MS4A4E: variants seen among roughly 807,000 people sequenced by gnomAD.
The protein encoded by MS4A4E is putative membrane-spanning 4-domains subfamily A member 4E.
In MS4A4E, 23 loss-of-function variants were observed where a neutral mutation model predicts 13.3. The ratio of observed to expected loss-of-function variants is 1.73; its 90% confidence interval spans 1.25 to 2.45. MS4A4E has a LOEUF of 2.45. MS4A4E is among the 30% of genes most tolerant of loss of function. MS4A4E has a pLI of 0.00. For synonymous variants in MS4A4E, 36 were observed against 45.6 expected (o/e 0.79, Z 0.85); for missense variants, 144 against 131.2 (o/e 1.10, Z -0.48).
At chr11:60,242,615 A>C (rs1232380909) in intron 1 of MS4A4E, among the ~76,000 whole-genome samples, 2 of 152,220 alleles carry the variant, frequency 1.3e-5, no homozygotes, top group Non-Finnish European at 2.9e-5. Flanking sequence ...ACAGTAGATG[A>C]GGTAATTAAT....
At chr11:60,218,021 C>T (rs974795063) in intron 3 of MS4A4E, among the ~76,000 whole-genome samples, 1 of 152,174 alleles carries the variant, frequency 6.6e-6, no homozygotes, top group African/African-American at 2.4e-5. Flanking sequence ...AGAAAGATTG[C>T]TGAATTCTTT....
At chr11:60,220,162 T>G (rs673573) in intron 3 of MS4A4E, among the ~76,000 whole-genome samples, 139,048 of 152,272 alleles carry the variant, frequency 0.91, 63,627 homozygotes, top group Non-Finnish European at 0.94. Context: ...GGACTTAAAA[T>G]ATGCAAGGGT....
intron 3 of MS4A4E, among the ~76,000 whole-genome samples, chr11:60,215,489 G>A (rs2084181738): frequency 6.6e-6 from 1 of 151,546 alleles, no homozygotes; most frequent in South Asian, 2.1e-4. Flanking sequence ...AGTGTTGATA[G>A]GATAGGACAT....
intron 6 of MS4A4E, among the ~76,000 whole-genome samples, chr11:60,206,512 T>TATATATAC (rs141037502): frequency 2.0e-5 from 2 of 98,340 alleles, no homozygotes; most frequent in African/African-American, 4.8e-5. Flanking sequence ...TATATATATA[T>TATATATAC]ACACACACAC....
chr11:60,238,187 T>G (rs2084507726), intron 1 of MS4A4E, among the ~76,000 whole-genome samples: 1 of 151,948 alleles, frequency 6.6e-6, no homozygotes, highest in Non-Finnish European at 1.5e-5. Flanking sequence ...AATACTAGCC[T>G]TATGTAATAA....
chr11:60,242,906 A>G (rs2084568362), intron 1 of MS4A4E, 52 bp downstream of exon 1: 3 of 1,370,154 alleles, frequency 2.2e-6, no homozygotes, highest in Non-Finnish European at 2.0e-6. Flanking sequence ...AACCCAGGAA[A>G]TGAAACAAAC....
intron 1 of MS4A4E, among the ~76,000 whole-genome samples, chr11:60,241,091 T>C (rs1214684164): frequency 2.0e-5 from 3 of 152,228 alleles, no homozygotes; most frequent in Admixed American, 6.5e-5. Context: ...TGGTGCAATC[T>C]CGGCTCACTG....
intron 4 of MS4A4E, 95 bp downstream of exon 4, chr11:60,214,476 T>G (rs969658418): frequency 1.1e-6 from 1 of 906,914 alleles, no homozygotes; most frequent in African/African-American, 1.7e-5. Flanking sequence ...CCTGACTTTT[T>G]TAAAAACAAA....
chr11:60,238,239 G>C (rs887192975), intron 1 of MS4A4E, among the ~76,000 whole-genome samples: 6 of 151,814 alleles, frequency 4.0e-5, no homozygotes, highest in African/African-American at 1.2e-4. Context: ...TGATGGAAGG[G>C]TATTAATTCT....
intron 1 of MS4A4E, among the ~76,000 whole-genome samples, chr11:60,232,387 AG>A (rs1358932797): frequency 6.6e-6 from 1 of 152,136 alleles, no homozygotes; most frequent in Admixed American, 6.5e-5. Context: ...AAAACAGCAA[AG>A]GAGTAGCAGA....
intron 1 of MS4A4E, 34 bp downstream of exon 1, chr11:60,242,924 C>A: frequency 4.0e-6 from 6 of 1,501,292 alleles, no homozygotes; most frequent in African/African-American, 1.4e-5. Context: ...AACTATCAGT[C>A]CGAGAGCCTA....
intron 3 of MS4A4E, 32 bp downstream of exon 3, chr11:60,228,562 C>T: frequency 1.5e-6 from 1 of 653,918 alleles, no homozygotes; most frequent in Non-Finnish European, 2.8e-6. Context: ...ACTAAACATA[C>T]TCTTACAATA....
rs192526044 is a variant in MS4A4E at position 60,200,785 on chromosome 11, C to A, written c.*758G>T. 0.011 allele frequency among the ~76,000 whole-genome samples: 1,716 copies of A among 152,332 alleles called. 28 individuals are homozygous for A. Among genetic ancestry groups the A allele is most frequent in the African/African-American group, 0.038 (1,597 of 41,570 alleles). On this transcript the variant is annotated 3_prime_UTR_variant, in exon 9 of 9. Transcript: ENST00000651255. ...CAAAACCGCCATTGTCCTCATGGCCCGTTCTCAATGAGCTATTGGGTACAC... is the reference window on the plus strand; with the variant it reads ...CAAAACCGCCATTGTCCTCATGGCCAGTTCTCAATGAGCTATTGGGTACAC...
intron 3 of MS4A4E, among the ~76,000 whole-genome samples, chr11:60,226,242 A>G (rs767709129): frequency 1.2e-4 from 18 of 151,986 alleles, no homozygotes; most frequent in Non-Finnish European, 2.6e-4. Flanking sequence ...CCAATTCTTT[A>G]CAGAAAACAG....
intron 1 of MS4A4E, among the ~76,000 whole-genome samples, chr11:60,239,244 C>T (rs188737484): frequency 9.2e-5 from 14 of 152,294 alleles, no homozygotes; most frequent in African/African-American, 3.1e-4. Context: ...AATAATACAG[C>T]ATATCTCGTA....
chr11:60,228,767 G>T (rs2084373571), intron 2 of MS4A4E, 140 bp from the exon 3 acceptor site: 1 of 449,152 alleles, frequency 2.2e-6, no homozygotes, highest in Non-Finnish European at 3.9e-6. Context: ...AAAAATAAAT[G>T]AGCTATTAAG....
chr11:60,219,645 A>G (rs1007461493), intron 3 of MS4A4E, among the ~76,000 whole-genome samples: 1 of 152,212 alleles, frequency 6.6e-6, no homozygotes, highest in African/African-American at 2.4e-5. Flanking sequence ...GGTCCTCTTA[A>G]AGAAGGATCC....
At chr11:60,218,427 T>C (rs594414) in intron 3 of MS4A4E, among the ~76,000 whole-genome samples, 138,906 of 152,120 alleles carry the variant, frequency 0.91, 63,565 homozygotes, top group Non-Finnish European at 0.94. Context: ...TTGAAACTCC[T>C]TAATAAAAAC....
At position 60,201,444 on chromosome 11, in the gene MS4A4E, G is replaced by A. The variant is rs538246184; in HGVS notation, c.*99C>T. The A allele has an allele frequency of 6.1e-3, 1,324 of 217,888 alleles. 10 individuals are homozygous for A. The highest frequency in any genetic ancestry group is 0.03 in the African/African-American group (1,231 of 41,634). The allele number at this position is 217,888 out of a possible 1,614,324, so 13.5% of individuals were successfully genotyped here. A position where few individuals can be genotyped will look rare whatever the true frequency, so the allele number is the denominator to read the frequency against. The stretch of plus-strand genomic sequence containing the variant: ...TCCTCCCTTCTCAGATGGGGCGGCT[G>A]GGCAGAGACGCTCCTCACCTCCCAG... On this transcript the variant is annotated 3_prime_UTR_variant, in exon 9 of 9. Coordinates refer to ENST00000651255, the MANE Select transcript of MS4A4E (RefSeq NM_001393391.1).
Sources: gnomAD v4.1 joint callset for allele counts (sites outside exome capture counted in the v4.1 genomes callset) on GRCh38, gnomAD v4.1.1 for gene constraint, MANE v1.5 for transcripts, NCBI Gene and HGNC (gene_info 2026-07-23, HGNC 2026-07-21) for gene names.